The following TBC1D19 variants were observed in gnomAD, a reference collection of about 807,000 sequenced individuals.
The protein encoded by TBC1D19 is TBC1 domain family member 19.
In TBC1D19, 60 loss-of-function variants were observed where a neutral mutation model predicts 89.0. The ratio of observed to expected loss-of-function variants is 0.67; its 90% CI spans 0.55 to 0.84. The LOEUF is 0.84. TBC1D19 is among the 40% of genes least tolerant of loss of function. The probability of loss-of-function intolerance (pLI) is 0.00; values close to 1 mark genes in which losing one functional copy is unlikely to be tolerated. For missense variants in TBC1D19, 500 were observed against 610.8 expected, an observed-to-expected ratio of 0.82 and a Z score of 1.91; for synonymous variants, 189 against 199.7, an observed-to-expected ratio of 0.95 and a Z score of 0.45.
chr4:26,633,393 C>T (rs1742922346), intron 4 of TBC1D19, among the ~76,000 whole-genome samples: 1 of 151,712 alleles, frequency 6.6e-6, no homozygotes, highest in Non-Finnish European at 1.5e-5. Flanking sequence ...AGGTGAAGGG[C>T]ATTGTCCAAT....
the TBC1D19 span, among the ~76,000 whole-genome samples, chr4:26,823,008 A>T: frequency 6.6e-6 from 1 of 152,150 alleles, no homozygotes; most frequent in Non-Finnish European, 1.5e-5. Flanking sequence ...AAGCTGTATT[A>T]GTTTGTTTCC....
At chr4:26,741,881 A>G (rs1196028608) in intron 17 of TBC1D19, among the ~76,000 whole-genome samples, 1 of 152,240 alleles carries the variant, frequency 6.6e-6, no homozygotes, top group Non-Finnish European at 1.5e-5. Flanking sequence ...CTTTACAAAT[A>G]ATGCCCTTTT....
At chr4:26,767,599 G>A in the TBC1D19 span, among the ~76,000 whole-genome samples, 2 of 152,268 alleles carry the variant, frequency 1.3e-5, no homozygotes, top group South Asian at 4.1e-4. Context: ...ATAACAAGAT[G>A]GTGGCACTAT....
chr4:26,814,584 A>C, the TBC1D19 span, among the ~76,000 whole-genome samples: 1 of 152,224 alleles, frequency 6.6e-6, no homozygotes. Flanking sequence ...CCTTGGGCAG[A>C]AGCACAGTGC....
chr4:26,857,709 GC>G, the TBC1D19 span: 32 of 152,078 alleles, frequency 2.1e-4, no homozygotes, highest in African/African-American at 7.5e-4. Context: ...GGTGGCGCAG[GC>G]GCCCTGCCGC....
chr4:26,588,744 A>C (rs1739585884), intron 1 of TBC1D19, among the ~76,000 whole-genome samples: 1 of 152,210 alleles, frequency 6.6e-6, no homozygotes, highest in Non-Finnish European at 1.5e-5. Context: ...TCTTATGGTC[A>C]AGAATAAAAT....
At position 26,669,144 on chromosome 4, in the gene TBC1D19, A is replaced by C. The variant is rs961357521; in HGVS notation, c.664+2739A>C. On this transcript the variant is annotated intron_variant, in intron 9 of 20. Coordinates refer to ENST00000264866, the MANE Select transcript of TBC1D19 (RefSeq NM_018317.4). ...TATTATTGTCTGAGTGTACGTAATA[A>C]TGAATCTTATTAGATGAGGGTTCTA... Among the ~76,000 whole-genome samples the C allele has an allele frequency of 2.0e-5, 3 of 151,758 alleles. No individual in the cohort carries two copies. The South Asian group carries it at 6.2e-4, about 31-fold the overall frequency.
At position 26,755,231 on chromosome 4, in the gene TBC1D19, G is replaced by C. The variant is rs1180277238; in HGVS notation, c.*284G>C. 2 of 155,846 alleles carry C rather than the reference G, an allele frequency of 1.3e-5. No individual in the cohort carries two copies. The highest frequency in any genetic ancestry group is 4.8e-5 in the African/African-American group (2 of 41,268). The allele number at this position is 155,846 out of a possible 1,614,324, so 9.7% of individuals were successfully genotyped here. A position where few individuals can be genotyped will look rare whatever the true frequency, so the allele number is the denominator to read the frequency against. On this transcript the variant is annotated 3_prime_UTR_variant, in exon 21 of 21. Transcript: ENST00000264866. The stretch of plus-strand genomic sequence containing the variant: ...TATAATATATATATAATCCTGACTT[G>C]TCAATGGCATGTAATAATATATGCA...
At chr4:26,723,098 C>T (rs988621115) in intron 15 of TBC1D19, among the ~76,000 whole-genome samples, 31 of 152,124 alleles carry the variant, frequency 2.0e-4, no homozygotes, top group African/African-American at 7.0e-4. Flanking sequence ...CTGTTTAATC[C>T]TTAATGAGAT....
downstream of TBC1D19, among the ~76,000 whole-genome samples, chr4:26,759,110 T>A (rs1290260728): frequency 6.6e-6 from 1 of 152,204 alleles, no homozygotes; most frequent in Non-Finnish European, 1.5e-5. Context: ...CAGGGAAGAC[T>A]GCTTCTCTTA....
chr4:26,628,386 A>G (rs1279787570), intron 4 of TBC1D19, among the ~76,000 whole-genome samples: 1 of 152,030 alleles, frequency 6.6e-6, no homozygotes, highest in African/African-American at 2.4e-5. Flanking sequence ...TTTTGTTTCC[A>G]TGTGAACTTT....
At chr4:26,669,887 A>C (rs1189841466) in intron 9 of TBC1D19, among the ~76,000 whole-genome samples, 1 of 151,716 alleles carries the variant, frequency 6.6e-6, no homozygotes, top group Non-Finnish European at 1.5e-5. Flanking sequence ...CTTAAGAGAA[A>C]TTTTAACTTA....
the TBC1D19 span, among the ~76,000 whole-genome samples, chr4:26,799,776 C>A: frequency 6.6e-6 from 1 of 152,096 alleles, no homozygotes; most frequent in Non-Finnish European, 1.5e-5. Context: ...GAATTGTGAG[C>A]AATAAATTCC....
chr4:26,680,617 T>C (rs1713251512), intron 11 of TBC1D19, among the ~76,000 whole-genome samples: 1 of 152,202 alleles, frequency 6.6e-6, no homozygotes, highest in Admixed American at 6.5e-5. Context: ...CTTGATCTCA[T>C]TAATTACTCA....
chr4:26,654,787 T>C (rs1362259417), intron 7 of TBC1D19, among the ~76,000 whole-genome samples: 2 of 152,208 alleles, frequency 1.3e-5, no homozygotes, highest in African/African-American at 4.8e-5. Flanking sequence ...CTAATCTTTT[T>C]TCAAGGTTTT....
the TBC1D19 span, among the ~76,000 whole-genome samples, chr4:26,781,671 A>G: frequency 6.6e-6 from 1 of 152,228 alleles, no homozygotes; most frequent in Non-Finnish European, 1.5e-5. Context: ...ATGTTTTCCC[A>G]TGCTGACTTA....
At chr4:26,659,819 A>G in intron 8 of TBC1D19, 112 bp downstream of exon 8, 1 of 567,236 alleles carries the variant, frequency 1.8e-6, no homozygotes. Context: ...AAACAAATTA[A>G]TAAAGTGACG....
At chr4:26,637,646 A>G (rs907196286) in intron 5 of TBC1D19, among the ~76,000 whole-genome samples, 13 of 152,168 alleles carry the variant, frequency 8.5e-5, no homozygotes, top group Admixed American at 7.2e-4. Context: ...TGCTGGGATT[A>G]CAGATGTGAG....
At chr4:26,579,062 G>A (rs571396233) in intron 1 of TBC1D19, among the ~76,000 whole-genome samples, 3 of 152,016 alleles carry the variant, frequency 2.0e-5, no homozygotes, top group Admixed American at 6.6e-5. Context: ...ATGTCACCAC[G>A]ATACTAAGCA....
Sources: allele counts gnomAD v4.1 joint callset (sites outside exome capture counted in the v4.1 genomes callset), GRCh38; gene constraint gnomAD v4.1.1; transcripts MANE v1.5; gene names NCBI Gene and HGNC (gene_info 2026-07-23, HGNC 2026-07-21).